EPG5: variants seen among roughly 807,000 people sequenced by gnomAD.
EPG5 encodes the protein ectopic P granules protein 5 homolog.
EPG5 carries 159 observed loss-of-function variants against 302.7 expected under a neutral mutation model. That is an observed-to-expected ratio of 0.53 (90% CI 0.46 to 0.60). The LOEUF (loss-of-function observed/expected upper bound fraction) is 0.60, where lower values mean the gene tolerates loss of function less well. Ranked by LOEUF, EPG5 falls within the 20% of genes least tolerant of loss-of-function variation. The probability of loss-of-function intolerance (pLI) is 0.00; values close to 1 mark genes in which losing one functional copy is unlikely to be tolerated. For synonymous variants in EPG5, 1,158 were observed against 1,136.8 expected, an observed-to-expected ratio of 1.02 and a Z score of -0.37; for missense variants, 2,896 against 3,092.4, an observed-to-expected ratio of 0.94 and a Z score of 1.51.
chr18:45,952,485 T>C lies in EPG5; in HGVS notation c.1167A>G (p.Ser389=). The change falls in exon 3 of 44, where the codon TCA becomes TCG. Residue 389 remains serine, a synonymous_variant. Coordinates refer to ENST00000282041, the MANE Select transcript of EPG5 (RefSeq NM_020964.3). ...AGATGTAAGACTCCACTTGCAATCT[T>C]GAGAGCACAGAAGTATAAGAATGAA... ...LALHSYTSVL[S]RLQVESYIYA... The C allele has an allele frequency of 6.2e-7, 1 of 1,614,170 alleles. No homozygotes were observed. The highest frequency in any genetic ancestry group is 1.3e-5 in the African/African-American group (1 of 75,038).
chr18:45,961,676 C>T (rs1296817088), intron 1 of EPG5, among the ~76,000 whole-genome samples: 1 of 152,120 alleles, frequency 6.6e-6, no homozygotes, highest in Non-Finnish European at 1.5e-5. Context: ...GCCTGGCCAA[C>T]ATGGCAAAAC....
intron 39 of EPG5, among the ~76,000 whole-genome samples, chr18:45,862,676 C>T (rs1373815454): frequency 8.5e-5 from 13 of 152,176 alleles, no homozygotes; most frequent in African/African-American, 2.2e-4. Context: ...TGCGTTCTGC[C>T]GTGATTGTAA....
chr18:45,824,757 G>A, the EPG5 span, among the ~76,000 whole-genome samples: 6 of 152,054 alleles, frequency 3.9e-5, no homozygotes, highest in Non-Finnish European at 7.4e-5. Flanking sequence ...TTTCCTAGAA[G>A]GATAATGCTG....
intron 10 of EPG5, among the ~76,000 whole-genome samples, chr18:45,936,004 A>T (rs868449541): frequency 3.3e-5 from 5 of 152,186 alleles, no homozygotes; most frequent in Admixed American, 2.0e-4. Context: ...TCTGCCAGTG[A>T]TCCCCACACT....
At chr18:45,841,662 T>C in the EPG5 span, among the ~76,000 whole-genome samples, 5 of 151,802 alleles carry the variant, frequency 3.3e-5, no homozygotes, top group Admixed American at 3.3e-4. Context: ...GCTGCCGGGG[T>C]TGGGAGCCTG....
intron 11 of EPG5, among the ~76,000 whole-genome samples, chr18:45,932,191 G>A (rs953709881): frequency 6.6e-6 from 1 of 151,934 alleles, no homozygotes; most frequent in African/African-American, 2.4e-5. Context: ...TACAAATCAA[G>A]GAAAAGGCCT....
chr18:45,826,115 C>T, the EPG5 span, among the ~76,000 whole-genome samples: 5 of 152,128 alleles, frequency 3.3e-5, no homozygotes, highest in Admixed American at 1.3e-4. Context: ...GAACAAGCTT[C>T]TTGTGCTGCT....
chr18:45,955,012 A>G lies in EPG5; in HGVS notation c.390T>C (p.Thr130=), dbSNP rs752477264. 2.5e-6 allele frequency: 4 copies of G among 1,614,066 alleles called. No individual in the cohort carries two copies. Among genetic ancestry groups the G allele is most frequent in the Non-Finnish European group, 3.4e-6 (4 of 1,180,040 alleles). Residue 130 remains threonine, a synonymous_variant, in exon 2 of 44, where the codon ACT becomes ACC. Coordinates refer to ENST00000282041, the MANE Select transcript of EPG5 (RefSeq NM_020964.3). ...TGAAGTTCTTGGGGGTTTCTACTTT[A>G]GTTCCAACATTGTCTCCAGGGTGGA... ...PKVHPGDNVG[T]KVETPKNFTE...
In EPG5 at chr18:45,884,714, G is replaced by T. The variant is rs1201907159; in HGVS notation, c.5207C>A (p.Pro1736His). 1 of 1,611,636 alleles carries T rather than the reference G, an allele frequency of 6.2e-7. No individual in the cohort carries two copies. ...LCSLLSPFFT[P>H]NAAPAEFIQL... ...TATGAACTCTGCAGGTGCAGCATTG[G>T]GAGTGAAGAAAGGAGACAGCAGGGA... Residue 1736 changes from proline to histidine, a missense_variant, in exon 30 of 44, where the codon CCC becomes CAC. Transcript: ENST00000282041.
intron 1 of EPG5, among the ~76,000 whole-genome samples, chr18:45,965,660 C>T (rs1353797298): frequency 5.3e-5 from 8 of 152,214 alleles, no homozygotes; most frequent in African/African-American, 1.4e-4. Flanking sequence ...CTTGTAATAC[C>T]ATCCTCCTTA....
chr18:45,910,256 C>G (rs1283915934), intron 23 of EPG5, among the ~76,000 whole-genome samples: 1 of 152,116 alleles, frequency 6.6e-6, no homozygotes, highest in Non-Finnish European at 1.5e-5. Flanking sequence ...TGGCTTATTT[C>G]TATTTTTACG....
At position 45,943,246 on chromosome 18, in the gene EPG5, G is replaced by A; in HGVS notation, c.1858C>T (p.Leu620=). Residue 620 remains leucine (L), a synonymous_variant, in exon 9 of 44, where the codon CTA becomes TTA. Coordinates refer to ENST00000282041, the MANE Select transcript of EPG5 (RefSeq NM_020964.3). ...AACCCCACAGCCAGAAGTTCCACTA[G>A]TGAGTTGGCAAAGGCAAAAATTTTC... The part of the protein sequence containing the change: ...MMKIFAFANS[L]VELLAVGLET... 3 of 1,614,110 alleles carry A rather than the reference G, an allele frequency of 1.9e-6. No homozygotes were observed. Among genetic ancestry groups the A allele is most frequent in the Non-Finnish European group, 2.5e-6 (3 of 1,179,980 alleles).
intron 10 of EPG5, among the ~76,000 whole-genome samples, chr18:45,937,526 C>T (rs2050565700): frequency 6.6e-6 from 1 of 152,138 alleles, no homozygotes; most frequent in Non-Finnish European, 1.5e-5. Flanking sequence ...TCTGCCTCAG[C>T]CTCCCGAGTA....
In EPG5 at chr18:45,887,905, G is replaced by T; in HGVS notation, c.4955C>A (p.Ala1652Asp). The T allele has an allele frequency of 6.4e-7, 1 of 1,552,538 alleles. No individual in the cohort carries two copies. The highest frequency in any genetic ancestry group is 8.8e-7 in the Non-Finnish European group (1 of 1,136,774). ...AAVHAENLIT[A>D]LVNAYKLQPT... Reference sequence around the variant, plus strand: ...CTGCAACTTGTAGGCATTCACTAAGGCCCTGTGGGAAAATGTGGGTAAGAC... The same window carrying T: ...CTGCAACTTGTAGGCATTCACTAAGTCCCTGTGGGAAAATGTGGGTAAGAC... Residue 1652 changes from alanine (A) to aspartate (D), a missense_variant and splice_region_variant, in exon 29 of 44, where the codon GCC (alanine) becomes GAC (aspartate). Ala to Asp is a moderately radical substitution (Grantham distance 126). Coordinates refer to ENST00000282041, the MANE Select transcript of EPG5 (RefSeq NM_020964.3).
intron 29 of EPG5, among the ~76,000 whole-genome samples, chr18:45,887,401 G>A (rs1398028522): frequency 1.3e-5 from 2 of 152,152 alleles, no homozygotes; most frequent in African/African-American, 2.4e-5. Flanking sequence ...TTTAAGAAGG[G>A]AATCTCAATC....
At chr18:45,806,932 A>C in the EPG5 span, among the ~76,000 whole-genome samples, 3 of 152,164 alleles carry the variant, frequency 2.0e-5, no homozygotes, top group Non-Finnish European at 4.4e-5. Context: ...AAGGAAAGAC[A>C]TACTTGCTAC....
At chr18:45,943,484 T>C (rs1237791492) in intron 8 of EPG5, among the ~76,000 whole-genome samples, 173 bp from the exon 9 acceptor site, 1 of 152,118 alleles carries the variant, frequency 6.6e-6, no homozygotes, top group Non-Finnish European at 1.5e-5. Flanking sequence ...TGAGACAATG[T>C]GCCAAATTAA....
At position 45,913,811 on chromosome 18, in the gene EPG5, T is replaced by A. The variant is rs2049966737; in HGVS notation, c.3711A>T (p.Thr1237=). 1 of 1,613,970 alleles carries A rather than the reference T, an allele frequency of 6.2e-7. No individual in the cohort carries two copies. The highest frequency in any genetic ancestry group is 8.5e-7 in the Non-Finnish European group (1 of 1,179,994). Residue 1237 remains threonine, a synonymous_variant, in exon 21 of 44, where the codon ACA becomes ACT. Coordinates refer to ENST00000282041, the MANE Select transcript of EPG5 (RefSeq NM_020964.3). ...ATPTQVWFAW[T]VLNMESIFEE... is the part of the protein sequence containing the mutation. ...CAAAGATGGATTCCATGTTGAGCACTGTCCAGGCAAACCAGACCTATAATG... is the reference window on the plus strand; with the variant it reads ...CAAAGATGGATTCCATGTTGAGCACAGTCCAGGCAAACCAGACCTATAATG...
In EPG5 at chr18:45,902,138, A is replaced by G. The variant is rs181377225; in HGVS notation, c.4475-971T>C. On this transcript the variant is annotated intron_variant, in intron 25 of 43. Transcript: ENST00000282041. The stretch of plus-strand genomic sequence containing the variant: ...GAATTTCCGATTACATTCCAGATGT[A>G]ACATTCCATTTTCTATTCTTGTTGA... Among the ~76,000 whole-genome samples, 325 of 152,382 alleles carry G rather than the reference A, an allele frequency of 2.1e-3. 2 individuals carry two copies. Among genetic ancestry groups the G allele is most frequent in the Non-Finnish European group, 3.5e-3 (241 of 68,032 alleles).
Sources: gnomAD v4.1 joint callset for allele counts (sites outside exome capture counted in the v4.1 genomes callset) on GRCh38, gnomAD v4.1.1 for gene constraint, MANE v1.5 for transcripts, NCBI Gene and HGNC (gene_info 2026-07-23, HGNC 2026-07-21) for gene names.